The following RPTOR variants were observed in gnomAD, a reference collection of about 807,000 sequenced individuals.
RPTOR encodes the protein regulatory-associated protein of mTOR.
Under a neutral mutation model 169.9 loss-of-function variants are expected in RPTOR, and 21 were observed. The observed-to-expected ratio is 0.12, with a 90% CI of 0.09 to 0.18. The LOEUF is 0.18. Among genes scored for constraint, RPTOR ranks in the 10% least tolerant of loss-of-function variants. The pLI, the probability that RPTOR is intolerant of heterozygous loss-of-function variation, is 1.00. For missense variants in RPTOR, 1,133 were observed against 1,855.9 expected, an observed-to-expected ratio of 0.61 and a Z score of 7.16; for synonymous variants, 732 against 753.2, an observed-to-expected ratio of 0.97 and a Z score of 0.46.
Position 80,754,295 on chromosome 17 carries a change from A to T in RPTOR, c.830+110A>T, listed in dbSNP as rs116899016. On this transcript the variant is annotated intron_variant, in intron 6 of 33. Coordinates refer to ENST00000306801, the MANE Select transcript of RPTOR (RefSeq NM_020761.3). The surrounding 1 kb of genome is among the most constrained non-coding windows in gnomAD (Gnocchi z 4.2). ...ACCTGGTCCCAGGAGCCCACGTGAC[A>T]GACATGAGTGTCCCCGCCTTCTTTT... The T allele has an allele frequency of 9.2e-3, 9,974 of 1,083,840 alleles. 73 individuals are homozygous for T. The highest frequency in any genetic ancestry group is 9.7e-3 in the Non-Finnish European group (7,324 of 758,498). The allele number at this position is 1,083,840 out of a possible 1,614,324, so 67.1% of individuals were successfully genotyped here.
At chr17:80,765,150 G>A (rs973874892) in intron 6 of RPTOR, among the ~76,000 whole-genome samples, 3 of 152,216 alleles carry the variant, frequency 2.0e-5, no homozygotes, top group Non-Finnish European at 4.4e-5. Context: ...TACGCTGTCC[G>A]TCGCATCTCT....
chr17:80,605,150 G>C (rs774594974), intron 1 of RPTOR, among the ~76,000 whole-genome samples: 5 of 152,208 alleles, frequency 3.3e-5, no homozygotes, highest in Non-Finnish European at 7.3e-5. Context: ...CCAGCACTCA[G>C]ATGCCCTGGG....
chr17:80,953,453 A>G (rs1171308427), intron 28 of RPTOR, among the ~76,000 whole-genome samples: 11 of 152,198 alleles, frequency 7.2e-5, no homozygotes, highest in Admixed American at 7.2e-4. Context: ...TTCCTCACTT[A>G]AACAGAGAGA....
chr17:80,745,580 A>G (rs1183262012), intron 5 of RPTOR, among the ~76,000 whole-genome samples: 1 of 152,248 alleles, frequency 6.6e-6, no homozygotes, highest in African/African-American at 2.4e-5. Flanking sequence ...TAGATGCCAC[A>G]TTAATATCTT....
rs1460215385 is a variant in RPTOR, at chr17:80,743,892, G to C, written c.655-10118G>C. On this transcript the variant is annotated intron_variant, in intron 5 of 33. Transcript: ENST00000306801. ...TAGCACAGCCCTGGCTACTAGCACT[G>C]TCCTGGTTACGAGCACAGCCCTGGT... 6.9e-4 allele frequency among the ~76,000 whole-genome samples: 50 copies of C among 72,452 alleles called. 8 individuals are homozygous for C. Among genetic ancestry groups the C allele is most frequent in the African/African-American group, 1.3e-3 (21 of 16,752 alleles). 47.5% of individuals were successfully genotyped at this position (72,452 alleles called of 152,430 possible). A position where few individuals can be genotyped will look rare whatever the true frequency, so the allele number is the denominator to read the frequency against.
intron 6 of RPTOR, among the ~76,000 whole-genome samples, chr17:80,790,188 G>A (rs929635096): frequency 5.9e-5 from 9 of 152,190 alleles, no homozygotes; most frequent in East Asian, 1.9e-4. Flanking sequence ...GGGGCCACAC[G>A]GGGCACTTGA....
chr17:80,932,633 T>A (rs1254341499), intron 24 of RPTOR, among the ~76,000 whole-genome samples: 1 of 151,806 alleles, frequency 6.6e-6, no homozygotes, highest in Non-Finnish European at 1.5e-5. Context: ...AAAAAATCAG[T>A]GAATTTAAAG....
intron 3 of RPTOR, among the ~76,000 whole-genome samples, chr17:80,663,116 G>T (rs550833769): frequency 6.6e-6 from 1 of 152,298 alleles, no homozygotes; most frequent in East Asian, 1.9e-4. Context: ...TCAGGGTGAG[G>T]CTTCTGAGAC....
intron 3 of RPTOR, among the ~76,000 whole-genome samples, chr17:80,648,523 C>T (rs1172302546): frequency 2.0e-5 from 3 of 151,992 alleles, no homozygotes; most frequent in Admixed American, 1.3e-4. Flanking sequence ...ATTGAGTGCT[C>T]ACACTGCTAG....
chr17:80,839,361 G>A (rs541796802), intron 10 of RPTOR, among the ~76,000 whole-genome samples: 1 of 152,298 alleles, frequency 6.6e-6, no homozygotes, highest in South Asian at 2.1e-4. Context: ...CAAACCTACA[G>A]CAAAGTTGGA....
At chr17:80,626,892 A>G (rs1192302138) in intron 2 of RPTOR, among the ~76,000 whole-genome samples, 4 of 151,816 alleles carry the variant, frequency 2.6e-5, no homozygotes, top group Non-Finnish European at 5.9e-5. Flanking sequence ...CTCACTGTCC[A>G]TCTCTAGAAC....
At chr17:80,583,672 C>T (rs909756896) in intron 1 of RPTOR, among the ~76,000 whole-genome samples, 4 of 152,182 alleles carry the variant, frequency 2.6e-5, no homozygotes, top group Admixed American at 1.3e-4. Flanking sequence ...CCTCCCAACC[C>T]GGTAGTGAAG....
rs1421959935 is a variant in RPTOR at position 80,957,990 on chromosome 17, T to C, written c.3477+260T>C. Among the ~76,000 whole-genome samples, 1 of 152,184 alleles carries C rather than the reference T, an allele frequency of 6.6e-6. No homozygotes were observed. The highest frequency in any genetic ancestry group is 1.5e-5 in the Non-Finnish European group (1 of 68,036). ...GCCAGCTCTGAGTGTTTGCAAGTAG[T>C]GTCTTCTCTCTGCAAATTAAGGAAT... On this transcript the variant is annotated intron_variant, in intron 29 of 33. Transcript: ENST00000306801. This position sits in a 1 kb window ranked among gnomAD's most constrained non-coding sequence, Gnocchi z 4.6.
chr17:80,569,167 T>C (rs2064876866), intron 1 of RPTOR, among the ~76,000 whole-genome samples: 2 of 152,354 alleles, frequency 1.3e-5, no homozygotes, highest in Admixed American at 1.3e-4. Flanking sequence ...ACTGACTTTC[T>C]TGTGGTTGTG....
intron 24 of RPTOR, among the ~76,000 whole-genome samples, chr17:80,926,384 T>C (rs1045111938): frequency 6.6e-6 from 1 of 152,206 alleles, no homozygotes; most frequent in African/African-American, 2.4e-5. Flanking sequence ...GGGTGGACAG[T>C]GGCCTGGCTG....
intron 1 of RPTOR, among the ~76,000 whole-genome samples, chr17:80,594,895 A>G (rs2065133949): frequency 1.3e-5 from 2 of 152,046 alleles, no homozygotes; most frequent in African/African-American, 4.8e-5. Context: ...TCCCTTTTTT[A>G]CTTTGGCTTA....
rs199793733 is a variant in RPTOR at position 80,857,817 on chromosome 17, G to A, written c.1426G>A (p.Val476Met). The A allele has an allele frequency of 9.9e-6, 16 of 1,611,812 alleles. No homozygotes were observed. The highest frequency in any genetic ancestry group is 4.4e-5 in the South Asian group (4 of 91,082). ...CTTGTCTGTCGGCATCTTCCCCTACGTGCTGAAGCTGCTCCAGAGCTCGGC... is the reference window on the plus strand; with the variant it reads ...CTTGTCTGTCGGCATCTTCCCCTACATGCTGAAGCTGCTCCAGAGCTCGGC... Reference protein sequence around the residue: ...LALSVGIFPYVLKLLQSSARE... With the variant: ...LALSVGIFPYMLKLLQSSARE... The change falls in exon 13 of 34, where the codon GTG becomes ATG. Residue 476 changes from valine (V) to methionine (M), a missense_variant. Physicochemically the swap from Val to Met is conservative, Grantham distance 21. Around this residue, in one of 9 missense-constraint regions of RPTOR, gnomAD observed 289 missense variants for 585.8 expected, o/e 0.49. Transcript: ENST00000306801.
rs529798698 is a variant in RPTOR at position 80,947,368 on chromosome 17, C to G, written c.3265+17C>G. On this transcript the variant is annotated intron_variant, in intron 27 of 33. Coordinates refer to ENST00000306801, the MANE Select transcript of RPTOR (RefSeq NM_020761.3). This position sits in a 1 kb window ranked among gnomAD's most constrained non-coding sequence, Gnocchi z 4.4. ...CGGCCACAGGTGAGCGGGGTTTGCA[C>G]AGCCAGGATTGGAAGCCAGGGTCTG... The G allele has an allele frequency of 6.5e-7, 1 of 1,537,570 alleles. No homozygotes were observed. The highest frequency in any genetic ancestry group is 2.5e-5 in the East Asian group (1 of 40,814).
At chr17:80,926,959 G>T (rs1409752774) in intron 24 of RPTOR, among the ~76,000 whole-genome samples, 1 of 152,248 alleles carries the variant, frequency 6.6e-6, no homozygotes, top group Non-Finnish European at 1.5e-5. Flanking sequence ...CTAGTCAGAA[G>T]CCCCTCACCA....
Sources: allele counts gnomAD v4.1 joint callset (sites outside exome capture counted in the v4.1 genomes callset), GRCh38; gene constraint gnomAD v4.1.1; regional missense constraint gnomAD v4.1.1; non-coding constraint Gnocchi (gnomAD v3.1); transcripts MANE v1.5; gene names NCBI Gene and HGNC (gene_info 2026-07-23, HGNC 2026-07-21).